The following CALN1 variants were observed in gnomAD, a reference collection of about 807,000 sequenced individuals.
The protein encoded by CALN1 is calcium-binding protein 8.
In CALN1, 17 loss-of-function variants were observed where a neutral mutation model predicts 30.6. That is an observed-to-expected ratio of 0.56 (90% CI 0.38 to 0.83). The LOEUF (loss-of-function observed/expected upper bound fraction) is 0.83. Among genes scored for constraint, CALN1 ranks in the 40% least tolerant of loss-of-function variants. The pLI, the probability that CALN1 is intolerant of heterozygous loss-of-function variation, is 0.00. For missense variants in CALN1, 291 were observed against 354.9 expected, an observed-to-expected ratio of 0.82 and a Z score of 1.45; for synonymous variants, 156 against 131.4, an observed-to-expected ratio of 1.19 and a Z score of -1.28.
chr7:72,255,464 G>A (rs1479584801), intron 3 of CALN1, among the ~76,000 whole-genome samples: 4 of 151,138 alleles, frequency 2.6e-5, no homozygotes, highest in Non-Finnish European at 5.9e-5. Context: ...ACCCAGGCTG[G>A]AGTGCAGTGG....
chr7:72,401,061 G>C (rs891820152), intron 2 of CALN1, among the ~76,000 whole-genome samples: 1 of 152,150 alleles, frequency 6.6e-6, no homozygotes, highest in African/African-American at 2.4e-5. Context: ...GAGGGCCCTG[G>C]TGCCCGTTTT....
intron 4 of CALN1, among the ~76,000 whole-genome samples, chr7:72,029,406 G>A (rs945602576): frequency 6.6e-6 from 1 of 152,132 alleles, no homozygotes; most frequent in African/African-American, 2.4e-5. Context: ...GAGCCACCGT[G>A]CCTGGCCAAT....
At chr7:72,270,072 G>GA (rs1796872191) in intron 3 of CALN1, among the ~76,000 whole-genome samples, 1 of 151,812 alleles carries the variant, frequency 6.6e-6, no homozygotes, top group African/African-American at 2.4e-5. Flanking sequence ...TTCTAGATCT[G>GA]AAAAAAATTT....
the CALN1 span, among the ~76,000 whole-genome samples, chr7:72,495,133 G>A: frequency 8.7e-4 from 133 of 152,318 alleles, 2 homozygotes; most frequent in African/African-American, 3.1e-3. Context: ...CCATCTTGGA[G>A]TCTGACCATT....
intron 3 of CALN1, among the ~76,000 whole-genome samples, chr7:72,273,023 G>A (rs147295825): frequency 5.0e-4 from 65 of 129,484 alleles, no homozygotes; most frequent in African/African-American, 1.8e-3. Flanking sequence ...GGCATAGGGC[G>A]CAAAGACAGC....
At chr7:72,055,899 T>C (rs1216042531) in intron 4 of CALN1, among the ~76,000 whole-genome samples, 1 of 152,100 alleles carries the variant, frequency 6.6e-6, no homozygotes, top group African/African-American at 2.4e-5. Context: ...CACACACCCA[T>C]AGTCCCAACT....
intron 5 of CALN1, among the ~76,000 whole-genome samples, chr7:71,958,065 CAAAAA>C (rs56355838): frequency 1.1e-5 from 1 of 93,874 alleles, no homozygotes; most frequent in Non-Finnish European, 2.1e-5. Flanking sequence ...AACTCCATCT[CAAAAA>C]AAAAAAAAAA....
chr7:71,953,031 A>G lies in CALN1; in HGVS notation c.501+70626T>C, dbSNP rs557148784. On this transcript the variant is annotated intron_variant, in intron 5 of 6. Transcript: ENST00000395275. ...GAGTGCAGTGGTGTGACCACAGCTC[A>G]CTGCAGCCTCAAACTCCTGGGCTCA... 2.0e-5 allele frequency among the ~76,000 whole-genome samples: 3 copies of G among 152,248 alleles called. No individual in the cohort carries two copies. The South Asian group carries it at 6.2e-4, about 32-fold the overall frequency.
chr7:72,366,336 C>CA (rs1433589742), intron 2 of CALN1, among the ~76,000 whole-genome samples: 1 of 151,878 alleles, frequency 6.6e-6, no homozygotes, highest in Non-Finnish European at 1.5e-5. Flanking sequence ...CCACCATGCC[C>CA]AGCTAATTTT....
At chr7:72,366,934 C>T (rs532329800) in intron 2 of CALN1, among the ~76,000 whole-genome samples, 2 of 151,956 alleles carry the variant, frequency 1.3e-5, no homozygotes, top group Admixed American at 6.6e-5. Context: ...AGCCCATCAA[C>T]AATAAAATGG....
intron 3 of CALN1, among the ~76,000 whole-genome samples, chr7:72,245,593 G>C (rs932051833): frequency 2.0e-5 from 3 of 150,824 alleles, no homozygotes; most frequent in Non-Finnish European, 3.0e-5. Context: ...ACTCCAGCCT[G>C]GGCAACAAGA....
intron 2 of CALN1, among the ~76,000 whole-genome samples, chr7:72,329,261 C>T (rs1430288720): frequency 1.3e-5 from 2 of 152,216 alleles, no homozygotes; most frequent in Non-Finnish European, 2.9e-5. Flanking sequence ...CCATCTGTTA[C>T]TGTTAAACAC....
In CALN1 at chr7:72,248,354, C is replaced by T. The variant is rs1356219975; in HGVS notation, c.244+30332G>A. ...GGTCTAGAACTCCACCCACCTTGGC[C>T]TCCCAAAGGGCTGGGATTACAGTCA... is the stretch of plus-strand genomic sequence containing the variant. On this transcript the variant is annotated intron_variant, in intron 3 of 6. Coordinates refer to ENST00000395275, the MANE Select transcript of CALN1 (RefSeq NM_031468.4). Among the ~76,000 whole-genome samples the T allele has an allele frequency of 2.0e-5, 3 of 152,160 alleles. No individual in the cohort carries two copies. In the East Asian group the frequency reaches 5.8e-4, roughly 29 times the overall value.
At chr7:72,205,197 T>C (rs985776388) in intron 3 of CALN1, among the ~76,000 whole-genome samples, 5 of 151,970 alleles carry the variant, frequency 3.3e-5, no homozygotes, top group Non-Finnish European at 7.4e-5. Flanking sequence ...GTTTTTATTT[T>C]TGCTTTTCTT....
chr7:72,381,041 C>T (rs1393859850), intron 2 of CALN1, among the ~76,000 whole-genome samples: 4 of 152,116 alleles, frequency 2.6e-5, no homozygotes, highest in Middle Eastern at 3.4e-3. Context: ...ACAACAGAGG[C>T]AATAAAGACT....
At chr7:71,840,970 C>T (rs1016790739) in intron 5 of CALN1, among the ~76,000 whole-genome samples, 2 of 150,690 alleles carry the variant, frequency 1.3e-5, no homozygotes, top group African/African-American at 2.4e-5. Flanking sequence ...AAAAAAAAAA[C>T]CTTTTTAAAG....
chr7:72,366,406 C>T (rs1011126133), intron 2 of CALN1, among the ~76,000 whole-genome samples: 1 of 152,038 alleles, frequency 6.6e-6, no homozygotes, highest in Non-Finnish European at 1.5e-5. Context: ...GAACTCCTGA[C>T]CTCAGGTGAT....
chr7:72,338,652 T>C (rs945911907), intron 2 of CALN1, among the ~76,000 whole-genome samples: 1 of 152,104 alleles, frequency 6.6e-6, no homozygotes, highest in Admixed American at 6.6e-5. Context: ...TAGTAATCTT[T>C]TTTAAATATG....
chr7:71,988,317 C>T (rs1331188342), intron 5 of CALN1, among the ~76,000 whole-genome samples: 1 of 152,184 alleles, frequency 6.6e-6, no homozygotes, highest in East Asian at 1.9e-4. Context: ...CACTCAGAAG[C>T]AGCCAGTTGG....
Sources: allele counts gnomAD v4.1 joint callset (sites outside exome capture counted in the v4.1 genomes callset), GRCh38; gene constraint gnomAD v4.1.1; transcripts MANE v1.5; gene names NCBI Gene and HGNC (gene_info 2026-07-23, HGNC 2026-07-21).